SPTA1: variants seen among roughly 807,000 people sequenced by gnomAD.
SPTA1 encodes the protein spectrin alpha chain, erythrocytic 1.
In SPTA1, 177 loss-of-function variants were observed where a neutral mutation model predicts 324.7. That is an observed-to-expected ratio of 0.55 (90% CI 0.48 to 0.62). The LOEUF is 0.62. SPTA1 is among the 20% of genes least tolerant of loss of function. The probability of loss-of-function intolerance (pLI) is 0.00; values close to 1 mark genes in which losing one functional copy is unlikely to be tolerated. For synonymous variants in SPTA1, 1,195 were observed against 1,041.3 expected, an observed-to-expected ratio of 1.15 and a Z score of -2.84; for missense variants, 3,162 against 2,883.6, an observed-to-expected ratio of 1.10 and a Z score of -2.21.
At chr1:158,675,785 A>G (rs1285503279) in intron 8 of SPTA1, among the ~76,000 whole-genome samples, 2 of 152,214 alleles carry the variant, frequency 1.3e-5, no homozygotes, top group African/African-American at 4.8e-5. Context: ...TATATGCTGG[A>G]CAAAGGAATG....
intron 15 of SPTA1, among the ~76,000 whole-genome samples, chr1:158,667,262 A>G (rs969619615): frequency 3.3e-5 from 5 of 152,218 alleles, no homozygotes; most frequent in African/African-American, 1.2e-4. Context: ...AAAACTCATT[A>G]TTTGTGTTAA....
At chr1:158,622,610 T>C (rs917100828) in intron 43 of SPTA1, 1 of 264,262 alleles carries the variant, frequency 3.8e-6, no homozygotes. Context: ...GGTGAGAACA[T>C]GTTTTATGAC....
intron 18 of SPTA1, among the ~76,000 whole-genome samples, chr1:158,660,312 G>A (rs886341776): frequency 2.0e-5 from 3 of 152,134 alleles, no homozygotes; most frequent in African/African-American, 4.8e-5. Flanking sequence ...GAAACAGAGT[G>A]CAAGCAAAAA....
In SPTA1 at chr1:158,659,595, A is replaced by ATTATTATTTTTTTT. The variant is rs1345384278; in HGVS notation, c.2587+1691_2587+1692insAAAAAAAATAATAA. Among the ~76,000 whole-genome samples, 19 of 68,716 alleles carry ATTATTATTTTTTTT rather than the reference A, an allele frequency of 2.8e-4. 4 individuals carry two copies. Among genetic ancestry groups the ATTATTATTTTTTTT allele is most frequent in the Non-Finnish European group, 5.7e-4 (17 of 30,038 alleles). 45.1% of individuals were successfully genotyped at this position (68,716 alleles called of 152,430 possible). A position where few individuals can be genotyped will look rare whatever the true frequency, so the allele number is the denominator to read the frequency against. On this transcript the variant is annotated intron_variant, in intron 18 of 51. Transcript: ENST00000643759. ...AAAAGAAAATAATAGTCTTAGCATT[A>ATTATTATTTTTTTT]TTTTTTTTTTTTTTTTTTTTTTTTT... is the stretch of plus-strand genomic sequence containing the variant.
At chr1:158,680,798 A>G (rs946493559) in intron 4 of SPTA1, 69 bp from the exon 5 acceptor site, 1 of 1,596,576 alleles carries the variant, frequency 6.3e-7, no homozygotes, top group Non-Finnish European at 8.5e-7. Context: ...AAAACTCAAA[A>G]CTCCTGCTTG....
In SPTA1 at chr1:158,651,428, T is replaced by G. The variant is rs1226578980; in HGVS notation, c.3416A>C (p.Lys1139Thr). ...TTCAAATAGTAGATCATCAGCTACC[T>G]TGTTGATATCCCTTAGCCGAGGCTC... Reference protein sequence around the residue: ...TNEPRLRDINKVADDLLFEGL... With the variant: ...TNEPRLRDINTVADDLLFEGL... Residue 1139 changes from lysine to threonine, a missense_variant, in exon 24 of 52, where the codon AAG becomes ACG. Physicochemically the swap from Lys to Thr is moderately conservative, Grantham distance 78. Coordinates refer to ENST00000643759, the MANE Select transcript of SPTA1 (RefSeq NM_003126.4). 6.2e-7 allele frequency: 1 copy of G among 1,613,970 alleles called. No homozygotes were observed. Among genetic ancestry groups the G allele is most frequent in the Non-Finnish European group, 8.5e-7 (1 of 1,179,878 alleles).
rs193129442 is a variant in SPTA1 at position 158,618,073 on chromosome 1, G to A, written c.6531-17C>T. The A allele has an allele frequency of 6.8e-5, 109 of 1,609,068 alleles. No individual in the cohort carries two copies. Among genetic ancestry groups the A allele is most frequent in the South Asian group, 3.3e-4 (30 of 90,984 alleles). ...AAGTAAGCCCTGGACATGGAGGTCCGGAACAGGAATCACATGAGAGAAAAG... is the reference window on the plus strand; with the variant it reads ...AAGTAAGCCCTGGACATGGAGGTCCAGAACAGGAATCACATGAGAGAAAAG... On this transcript the variant is annotated splice_polypyrimidine_tract_variant and intron_variant, in intron 45 of 51. Coordinates refer to ENST00000643759, the MANE Select transcript of SPTA1 (RefSeq NM_003126.4).
intron 29 of SPTA1, 63 bp from the exon 30 acceptor site, chr1:158,644,459 C>A: frequency 1.3e-6 from 2 of 1,593,236 alleles, no homozygotes; most frequent in Non-Finnish European, 1.7e-6. Flanking sequence ...AATGATGTTA[C>A]ACCTCTTTCA....
intron 30 of SPTA1, 115 bp downstream of exon 30, chr1:158,644,136 CAA>C (rs1000012251): frequency 1.9e-3 from 2,077 of 1,092,022 alleles, no homozygotes; most frequent in Middle Eastern, 3.0e-3. Context: ...GACTCCATCT[CAA>C]AAAAAAAAAA....
chr1:158,642,763 C>T, intron 32 of SPTA1, 51 bp downstream of exon 32: 1 of 1,613,316 alleles, frequency 6.2e-7, no homozygotes, highest in Non-Finnish European at 8.5e-7. Flanking sequence ...GACTATCCAA[C>T]CAACAAGCTC....
chr1:158,653,486 G>A lies in SPTA1; in HGVS notation c.3037-61C>T. 4 of 1,606,638 alleles carry A rather than the reference G, an allele frequency of 2.5e-6. No individual in the cohort carries two copies. The South Asian group carries it at 4.4e-5, about 18-fold the overall frequency. On this transcript the variant is annotated intron_variant, in intron 21 of 51. Transcript: ENST00000643759. The stretch of plus-strand genomic sequence containing the variant: ...TCTTGGAAAAGCAACAAACGGGAGA[G>A]ACTTCAACACTAAGTCTCTTGGCCC...
chr1:158,639,368 C>T, intron 35 of SPTA1: 1 of 593,074 alleles, frequency 1.7e-6, no homozygotes, highest in East Asian at 2.9e-5. Flanking sequence ...TTTCTGGAAT[C>T]TTAAAGTCTA....
chr1:158,666,451 A>C lies in SPTA1; in HGVS notation c.2085T>G (p.Asn695Lys). 1 of 1,612,890 alleles carries C rather than the reference A, an allele frequency of 6.2e-7. No homozygotes were observed. Among genetic ancestry groups the C allele is most frequent in the African/African-American group, 1.3e-5 (1 of 74,992 alleles). ...EANQQLQFEN[N>K]AEDLQRWLED... Reference sequence around the variant, plus strand: ...CCAGCCAGCGCTGCAAATCTTCTGCATTATTTTCAAATTGCAGCTGCTGGT... The same window carrying C: ...CCAGCCAGCGCTGCAAATCTTCTGCCTTATTTTCAAATTGCAGCTGCTGGT... The change falls in exon 16 of 52, where the codon AAT becomes AAG. Residue 695 changes from asparagine (N) to lysine (K), a missense_variant. Physicochemically the swap from Asn to Lys is moderately conservative, Grantham distance 94. Transcript: ENST00000643759.
chr1:158,622,869 A>G, intron 43 of SPTA1, 114 bp downstream of exon 43: 1 of 987,716 alleles, frequency 1.0e-6, no homozygotes. Flanking sequence ...ACATCTTTCA[A>G]TGCAATAAAA....
chr1:158,680,489 C>T (rs1423774205), intron 5 of SPTA1, 94 bp downstream of exon 5: 9 of 1,555,594 alleles, frequency 5.8e-6, no homozygotes, highest in African/African-American at 1.4e-5. Flanking sequence ...TCTCACAATG[C>T]CCCATCTCCT....
chr1:158,617,403 G>A (rs1019022183), intron 47 of SPTA1, 134 bp downstream of exon 47: 1 of 730,332 alleles, frequency 1.4e-6, no homozygotes, highest in Non-Finnish European at 2.5e-6. Context: ...TATTCATGAT[G>A]TGATGGCCTA....
In SPTA1 at chr1:158,620,307, T is replaced by A; in HGVS notation, c.6280A>T (p.Arg2094Trp). The A allele has an allele frequency of 6.2e-7, 1 of 1,614,112 alleles. No homozygotes were observed. Among genetic ancestry groups the A allele is most frequent in the Non-Finnish European group, 8.5e-7 (1 of 1,180,018 alleles). ...DHEDFLASLA[R>W]AQADFKCLLE... ...AAACATTTAAAGTCTGCTTGAGCCC[T>A]AGCCAGGGAGGCCAAGAAGTCCTCA... Residue 2094 changes from arginine (R) to tryptophan (W), a missense_variant, in exon 44 of 52, where the codon AGG becomes TGG. Transcript: ENST00000643759.
chr1:158,635,775 A>C (rs971804570), intron 38 of SPTA1, 138 bp downstream of exon 38: 2 of 1,298,520 alleles, frequency 1.5e-6, no homozygotes, highest in Admixed American at 3.8e-5. Context: ...TAAACTTGTC[A>C]TTTGAGAAGG....
rs1276504237 is a variant in SPTA1, at chr1:158,653,422, A to G, written c.3040T>C (p.Trp1014Arg). The G allele has an allele frequency of 6.2e-7, 1 of 1,614,024 alleles. No homozygotes were observed. Among genetic ancestry groups the G allele is most frequent in the Non-Finnish European group, 8.5e-7 (1 of 1,179,972 alleles). ...TGATCAGCAGCTTCCACCTTCCACCAGTCCTGAAGGGAGAGCAGATCCCCA... is the reference window on the plus strand; with the variant it reads ...TGATCAGCAGCTTCCACCTTCCACCGGTCCTGAAGGGAGAGCAGATCCCCA... Reference protein sequence around the residue: ...LTLLSSINKDWWKVEAADHQG... With the variant: ...LTLLSSINKDRWKVEAADHQG... The change falls in exon 22 of 52, where the codon TGG becomes CGG. Residue 1014 changes from tryptophan (W) to arginine (R), a missense_variant. Coordinates refer to ENST00000643759, the MANE Select transcript of SPTA1 (RefSeq NM_003126.4).
Sources: gnomAD v4.1 joint callset for allele counts (sites outside exome capture counted in the v4.1 genomes callset) on GRCh38, gnomAD v4.1.1 for gene constraint, MANE v1.5 for transcripts, NCBI Gene and HGNC (gene_info 2026-07-23, HGNC 2026-07-21) for gene names.